GPHN: variants seen among roughly 807,000 people sequenced by gnomAD.
GPHN encodes gephyrin.
In GPHN, 17 loss-of-function variants were observed where a neutral mutation model predicts 95.5. That is an observed-to-expected ratio of 0.18 (90% CI 0.12 to 0.27). GPHN has a LOEUF of 0.27. Among genes scored for constraint, GPHN ranks in the 10% least tolerant of loss-of-function variants. The probability of loss-of-function intolerance (pLI) is 1.00; values close to 1 mark genes in which losing one functional copy is unlikely to be tolerated. For synonymous variants in GPHN, 320 were observed against 322.5 expected, an observed-to-expected ratio of 0.99 and a Z score of 0.08; for missense variants, 660 against 978.1, an observed-to-expected ratio of 0.67 and a Z score of 4.34.
In GPHN at chr14:66,560,455, C is replaced by T. The variant is rs1466854695; in HGVS notation, c.64+51864C>T. ...TAGTTCTCCTTGAAGAGGTCCTTCA[C>T]GTCCCTTGTAAGTTGGATTCCTAGG... On this transcript the variant is annotated intron_variant, in intron 1 of 22. Transcript: ENST00000478722. Among the ~76,000 whole-genome samples the T allele has an allele frequency of 3.9e-5, 6 of 152,264 alleles. No homozygotes were observed. In the South Asian group the frequency reaches 6.2e-4, roughly 16 times the overall value.
chr14:66,954,782 G>T (rs972921012), intron 8 of GPHN, among the ~76,000 whole-genome samples: 1 of 152,166 alleles, frequency 6.6e-6, no homozygotes, highest in Non-Finnish European at 1.5e-5. Flanking sequence ...AATTCAGGAA[G>T]TTGCCTTATA....
the GPHN span, chr14:67,336,874 A>C: frequency 1.9e-5 from 8 of 426,214 alleles, no homozygotes; most frequent in Non-Finnish European, 3.3e-5. Flanking sequence ...GATTTCCTAA[A>C]TATCAGCTTC....
At chr14:66,510,615 G>A (rs776806408) in intron 1 of GPHN, among the ~76,000 whole-genome samples, 4 of 152,150 alleles carry the variant, frequency 2.6e-5, no homozygotes, top group South Asian at 2.1e-4. Context: ...AAGAAATTCC[G>A]TATTCAGATG....
the GPHN span, among the ~76,000 whole-genome samples, chr14:67,457,150 T>A: frequency 6.6e-6 from 1 of 151,826 alleles, no homozygotes; most frequent in Admixed American, 6.6e-5. Flanking sequence ...AGGAGGAGGG[T>A]CAGGATTGAA....
At chr14:67,286,689 C>T in the GPHN span, among the ~76,000 whole-genome samples, 6 of 148,874 alleles carry the variant, frequency 4.0e-5, no homozygotes, top group Admixed American at 2.0e-4. Flanking sequence ...AACTCCATCT[C>T]TACCAAAAAA....
At chr14:67,565,215 T>C in the GPHN span, among the ~76,000 whole-genome samples, 1 of 151,974 alleles carries the variant, frequency 6.6e-6, no homozygotes, top group African/African-American at 2.4e-5. Context: ...CCCAAGGTCA[T>C]GTAGTAGTTA....
At chr14:66,882,038 T>C (rs563581882) in intron 5 of GPHN, among the ~76,000 whole-genome samples, 95 of 152,002 alleles carry the variant, frequency 6.2e-4, no homozygotes, top group African/African-American at 2.2e-3. Context: ...ATTATTTTTA[T>C]AATAGCCATC....
chr14:67,324,353 C>T, the GPHN span, among the ~76,000 whole-genome samples: 9 of 152,100 alleles, frequency 5.9e-5, no homozygotes, highest in Non-Finnish European at 1.0e-4. Context: ...ACAGCATTGA[C>T]TTTTTATTTA....
At chr14:67,014,286 ATATCT>A (rs544060636) in intron 9 of GPHN, among the ~76,000 whole-genome samples, 111 of 152,254 alleles carry the variant, frequency 7.3e-4, no homozygotes, top group Middle Eastern at 3.4e-3. Context: ...TTCTTTACAA[ATATCT>A]TATGAGATAG....
the GPHN span, chr14:67,359,984 C>T: frequency 7.4e-6 from 4 of 537,220 alleles, no homozygotes; most frequent in South Asian, 5.0e-5. Flanking sequence ...CCCCATCCAG[C>T]TTCCCTGCGG....
the GPHN span, among the ~76,000 whole-genome samples, chr14:67,274,838 A>G: frequency 6.6e-6 from 1 of 152,164 alleles, no homozygotes; most frequent in Non-Finnish European, 1.5e-5. Flanking sequence ...GGTCCTTCAC[A>G]TCCCTTGTAA....
At chr14:66,530,913 G>T (rs1234376797) in intron 1 of GPHN, among the ~76,000 whole-genome samples, 4 of 151,214 alleles carry the variant, frequency 2.6e-5, no homozygotes, top group African/African-American at 9.8e-5. Context: ...CGGCCATCTT[G>T]CCAGCAACTC....
chr14:67,722,261 A>T, the GPHN span, among the ~76,000 whole-genome samples: 2 of 152,196 alleles, frequency 1.3e-5, no homozygotes, highest in Admixed American at 1.3e-4. Flanking sequence ...TATATATTCC[A>T]TCTTGCAGTA....
the GPHN span, among the ~76,000 whole-genome samples, chr14:67,508,752 T>TAAAAAAAAAAAAAAAAAAAAAA: frequency 5.3e-5 from 1 of 18,868 alleles, no homozygotes; most frequent in Non-Finnish European, 1.7e-4. Context: ...AAACCTTGTC[T>TAAAAAAAAAAAAAAAAAAAAAA]CAAAAAAAAA....
chr14:67,201,730 A>T, the GPHN span: 1 of 342,196 alleles, frequency 2.9e-6, no homozygotes, highest in Non-Finnish European at 5.8e-6. Flanking sequence ...AATCCAGAAG[A>T]AGAGGGGCAC....
Position 66,879,924 on chromosome 14 carries a change from AATCTT to A in GPHN, c.295-14_295-10del, listed in dbSNP as rs1390746231. The A allele has an allele frequency of 1.9e-6, 3 of 1,550,236 alleles. No homozygotes were observed. Among genetic ancestry groups the A allele is most frequent in the Non-Finnish European group, 2.7e-6 (3 of 1,122,450 alleles). On this transcript the variant is annotated splice_polypyrimidine_tract_variant and intron_variant, in intron 4 of 22. Transcript: ENST00000478722. ...GCTTATTTCACTCAGTCTGCTATTTAATCTTTAATTACAGGCCACAAAAGAAGTAA... is the reference window on the plus strand; with the variant it reads ...GCTTATTTCACTCAGTCTGCTATTTATAATTACAGGCCACAAAAGAAGTAA...
the GPHN span, chr14:67,541,795 C>T: frequency 2.9e-6 from 4 of 1,379,582 alleles, no homozygotes; most frequent in Non-Finnish European, 3.9e-6. Flanking sequence ...TCCTCACACG[C>T]TTATTTATCT....
At chr14:66,604,261 A>G (rs1003954237) in intron 1 of GPHN, among the ~76,000 whole-genome samples, 14 of 152,280 alleles carry the variant, frequency 9.2e-5, no homozygotes, top group African/African-American at 3.1e-4. Context: ...GTAAACATCT[A>G]CAGCAGGAAT....
intron 12 of GPHN, 50 bp downstream of exon 12, chr14:67,089,125 C>CTTTTTTTATTTTTTTTTTTTTTT: frequency 3.1e-6 from 1 of 326,492 alleles, no homozygotes; most frequent in Non-Finnish European, 6.0e-6. Flanking sequence ...ATTTTTTTTT[C>CTTTTTTTATTTTTTTTTTTTTTT]TTTTTTTCTT....
Sources: gnomAD v4.1 joint callset for allele counts (sites outside exome capture counted in the v4.1 genomes callset) on GRCh38, gnomAD v4.1.1 for gene constraint, MANE v1.5 for transcripts, NCBI Gene and HGNC (gene_info 2026-07-23, HGNC 2026-07-21) for gene names.